SIDT1: variants seen among roughly 807,000 people sequenced by gnomAD.
The protein encoded by SIDT1 is SID1 transmembrane family, member 1.
In SIDT1, 101 loss-of-function variants were observed where a neutral mutation model predicts 107.5. That is an observed-to-expected ratio of 0.94 (90% CI 0.80 to 1.11). The LOEUF is 1.11. Among genes scored for constraint, SIDT1 ranks in the 50% least tolerant of loss-of-function variants. The pLI is 0.00. For missense variants in SIDT1, 1,076 were observed against 1,058.2 expected, an observed-to-expected ratio of 1.02 and a Z score of -0.23; for synonymous variants, 395 against 398.2, an observed-to-expected ratio of 0.99 and a Z score of 0.10.
At chr3:113,571,771 TA>T (rs1404931733) in intron 3 of SIDT1, among the ~76,000 whole-genome samples, 7 of 152,140 alleles carry the variant, frequency 4.6e-5, no homozygotes, top group Non-Finnish European at 8.8e-5. Flanking sequence ...CCGTCTCTAC[TA>T]AAAAATTCAA....
intron 9 of SIDT1, among the ~76,000 whole-genome samples, chr3:113,590,563 C>T (rs533117816): frequency 1.9e-4 from 29 of 152,138 alleles, no homozygotes; most frequent in Non-Finnish European, 3.2e-4. Context: ...ACCATCACTA[C>T]GATCTAATTC....
intron 11 of SIDT1, chr3:113,601,890 A>C: frequency 2.2e-6 from 1 of 457,018 alleles, no homozygotes; most frequent in Non-Finnish European, 3.9e-6. Context: ...CTTGGGCAGA[A>C]TTCCTTCAAT....
chr3:113,592,100 G>A (rs76240357), intron 9 of SIDT1, among the ~76,000 whole-genome samples: 1 of 152,200 alleles, frequency 6.6e-6, no homozygotes, highest in South Asian at 2.1e-4. Flanking sequence ...CAAACTTATA[G>A]AGACAGAAAG....
rs745639161 is a variant in SIDT1 at position 113,581,463 on chromosome 3, G to A, written c.747+19G>A. 11 of 1,590,522 alleles carry A rather than the reference G, an allele frequency of 6.9e-6. No homozygotes were observed. The highest frequency in any genetic ancestry group is 9.5e-6 in the Non-Finnish European group (11 of 1,158,630). ...GCTACAGGTGAGGCATTGCTTCTGT[G>A]GGCATTATTGCCAATGGTAATGCTC... On this transcript the variant is annotated intron_variant, in intron 6 of 24. Transcript: ENST00000264852.
chr3:113,630,619 C>T (rs1947084409), downstream of SIDT1, among the ~76,000 whole-genome samples: 1 of 152,164 alleles, frequency 6.6e-6, no homozygotes, highest in Non-Finnish European at 1.5e-5. Flanking sequence ...AAGGGAGGAA[C>T]AAAGATAAAC....
intron 1 of SIDT1, among the ~76,000 whole-genome samples, chr3:113,549,271 G>C (rs1450185511): frequency 6.6e-6 from 1 of 152,154 alleles, no homozygotes; most frequent in African/African-American, 2.4e-5. Flanking sequence ...TAAATACCTA[G>C]GTGGATGATT....
At chr3:113,609,049 G>A (rs1213190359) in intron 17 of SIDT1, among the ~76,000 whole-genome samples, 1 of 142,924 alleles carries the variant, frequency 7.0e-6, no homozygotes, top group Non-Finnish European at 1.5e-5. Flanking sequence ...ATACAGTCAT[G>A]AGCCCATTCT....
rs144501424 is a variant in SIDT1, at chr3:113,596,174, C to T, written c.1045+3126C>T. On this transcript the variant is annotated intron_variant, in intron 10 of 24. Coordinates refer to ENST00000264852, the MANE Select transcript of SIDT1 (RefSeq NM_017699.3). ...GAAGAGGATCCCACTAGACTTAATA[C>T]GGTCTCTGCCCACATCATTGTGGAG... Among the ~76,000 whole-genome samples, 14 of 152,314 alleles carry T rather than the reference C, an allele frequency of 9.2e-5. 1 individual carries two copies. Among genetic ancestry groups the T allele is most frequent in the South Asian group, 4.1e-4 (2 of 4,824 alleles).
chr3:113,533,140 T>G lies in SIDT1; in HGVS notation c.119T>G (p.Phe40Cys), dbSNP rs751648955. ...CCCCCGGCACCGCGCCGCGACCCCT[T>G]CGACGCTGCCAGGGGCGCCGATTTC... ...RQPPAPRRDP[F>C]DAARGADFDH... The change falls in exon 1 of 25, where the codon TTC (phenylalanine) becomes TGC (cysteine). Residue 40 changes from phenylalanine to cysteine, a missense_variant. By Grantham distance (205) the Phe-to-Cys change is radical. Coordinates refer to ENST00000264852, the MANE Select transcript of SIDT1 (RefSeq NM_017699.3). The G allele has an allele frequency of 3.2e-6, 5 of 1,574,538 alleles. No homozygotes were observed. The highest frequency in any genetic ancestry group is 3.4e-6 in the Non-Finnish European group (4 of 1,162,296).
At chr3:113,539,801 G>A (rs775798949) in intron 1 of SIDT1, among the ~76,000 whole-genome samples, 19 of 152,164 alleles carry the variant, frequency 1.2e-4, no homozygotes, top group South Asian at 4.2e-4. Flanking sequence ...TCATGAGTTC[G>A]AGACCAGCCT....
rs189678932 is a variant in SIDT1 at position 113,538,663 on chromosome 3, G to A, written c.222+5420G>A. ...CAGAAAATTTTCAAACACACATGTG[G>A]CTCACATTTTGTTTTTATTGAACAG... is the stretch of plus-strand genomic sequence containing the variant. On this transcript the variant is annotated intron_variant, in intron 1 of 24. Coordinates refer to ENST00000264852, the MANE Select transcript of SIDT1 (RefSeq NM_017699.3). Among the ~76,000 whole-genome samples the A allele has an allele frequency of 2.4e-3, 365 of 152,206 alleles. 1 individual carries two copies. Among genetic ancestry groups the A allele is most frequent in the Admixed American group, 4.6e-3 (71 of 15,290 alleles).
intron 1 of SIDT1, among the ~76,000 whole-genome samples, chr3:113,550,289 T>C (rs771380383): frequency 2.0e-5 from 3 of 152,238 alleles, no homozygotes; most frequent in Admixed American, 1.3e-4. Context: ...CTGTGATTGT[T>C]TGAGGCTTTG....
intron 7 of SIDT1, 166 bp from the exon 8 acceptor site, chr3:113,584,532 G>A (rs1943595070): frequency 1.8e-6 from 1 of 567,160 alleles, no homozygotes; most frequent in Admixed American, 3.6e-5. Context: ...ATTTCTGATG[G>A]TTTGAAGGTT....
chr3:113,538,091 C>T (rs1384079409), intron 1 of SIDT1, among the ~76,000 whole-genome samples: 3 of 152,144 alleles, frequency 2.0e-5, no homozygotes, highest in Non-Finnish European at 2.9e-5. Context: ...CCTCATGCGT[C>T]TTCTTATAAG....
downstream of SIDT1, among the ~76,000 whole-genome samples, chr3:113,629,892 C>A (rs1947071007): frequency 6.6e-6 from 1 of 152,222 alleles, no homozygotes; most frequent in South Asian, 2.1e-4. Context: ...CCAGACCAAG[C>A]TTGTTTTTAC....
chr3:113,628,159 A>T lies in SIDT1; in HGVS notation c.*451A>T, dbSNP rs1049526452. On this transcript the variant is annotated 3_prime_UTR_variant, in exon 25 of 25. Transcript: ENST00000264852. ...TTGGCCCCCTTCACACCTCTGCAACACCTGCTGCTCCAGCAAGAGGATGTG... is the reference window on the plus strand; with the variant it reads ...TTGGCCCCCTTCACACCTCTGCAACTCCTGCTGCTCCAGCAAGAGGATGTG... The T allele has an allele frequency of 6.3e-6, 1 of 159,648 alleles. No homozygotes were observed. The highest frequency in any genetic ancestry group is 2.4e-5 in the African/African-American group (1 of 41,644). The allele number at this position is 159,648 out of a possible 1,614,324, so 9.9% of individuals were successfully genotyped here.
At chr3:113,626,928 G>T (rs1946895392) in intron 24 of SIDT1, among the ~76,000 whole-genome samples, 2 of 152,100 alleles carry the variant, frequency 1.3e-5, no homozygotes, top group Non-Finnish European at 2.9e-5. Flanking sequence ...GCTCAGGCAG[G>T]CCATATGACT....
Position 113,623,506 on chromosome 3 carries a change from T to C in SIDT1, c.2170T>C (p.Tyr724His). ...LGIFICNLLL[Y>H]LAFYIIMKLR... ...CATCTTCATCTGTAACCTTTTGCTG[T>C]ACCTGGCCTTTTACATCATCATGAA... The change falls in exon 22 of 25, where the codon TAC becomes CAC. Residue 724 changes from tyrosine to histidine, a missense_variant. Coordinates refer to ENST00000264852, the MANE Select transcript of SIDT1 (RefSeq NM_017699.3). 1 of 1,613,988 alleles carries C rather than the reference T, an allele frequency of 6.2e-7. No individual in the cohort carries two copies. The highest frequency in any genetic ancestry group is 1.3e-5 in the African/African-American group (1 of 75,050).
chr3:113,616,108 A>C lies in SIDT1; in HGVS notation c.1975A>C (p.Ile659Leu), dbSNP rs748889794. The change falls in exon 20 of 25, where the codon ATT becomes CTT. Residue 659 changes from isoleucine to leucine, a missense_variant. By Grantham distance (5) the Ile-to-Leu change is conservative. Transcript: ENST00000264852. ...ATTTGTATTATCAGCAGATTTGGGA[A>C]TTTTCCGGCGGGCTGCCATGGTGTT... ...YMGRFKIDLG[I>L]FRRAAMVFYT... 2 of 1,613,512 alleles carry C rather than the reference A, an allele frequency of 1.2e-6. No homozygotes were observed. Among genetic ancestry groups the C allele is most frequent in the African/African-American group, 2.7e-5 (2 of 74,850 alleles).
Sources: allele counts gnomAD v4.1 joint callset (sites outside exome capture counted in the v4.1 genomes callset), GRCh38; gene constraint gnomAD v4.1.1; transcripts MANE v1.5; gene names NCBI Gene and HGNC (gene_info 2026-07-23, HGNC 2026-07-21).